SPIDR: variants seen among roughly 807,000 people sequenced by gnomAD.
SPIDR encodes scaffold protein involved in DNA repair.
SPIDR carries 93 observed loss-of-function variants against 104.6 expected under a neutral mutation model. That is an observed-to-expected ratio of 0.89 (90% CI 0.75 to 1.06). SPIDR has a LOEUF of 1.06. Ranked by LOEUF, SPIDR falls within the 50% of genes least tolerant of loss-of-function variation. SPIDR has a pLI of 0.00. For synonymous variants in SPIDR, 431 were observed against 416.9 expected (o/e 1.03, Z -0.41); for missense variants, 1,154 against 1,111.2 (o/e 1.04, Z -0.55).
chr8:47,341,444 TTTTG>T (rs1461114375), intron 5 of SPIDR, among the ~76,000 whole-genome samples: 137 of 151,972 alleles, frequency 9.0e-4, no homozygotes, highest in African/African-American at 3.2e-3. Context: ...CATGCATGGT[TTTTG>T]TTTGTTTAAA....
At chr8:47,469,214 G>A (rs782363501) in intron 8 of SPIDR, among the ~76,000 whole-genome samples, 2 of 152,140 alleles carry the variant, frequency 1.3e-5, no homozygotes, top group Non-Finnish European at 2.9e-5. Flanking sequence ...CAAGGTTGTG[G>A]AGAAAAAGGA....
At chr8:47,561,720 G>T (rs1183044398) in intron 8 of SPIDR, among the ~76,000 whole-genome samples, 1 of 152,048 alleles carries the variant, frequency 6.6e-6, no homozygotes, top group African/African-American at 2.4e-5. Context: ...TCTTCCCTGG[G>T]TCCCTTGTAC....
intron 8 of SPIDR, among the ~76,000 whole-genome samples, chr8:47,455,151 G>A (rs782354882): frequency 4.6e-5 from 7 of 152,002 alleles, no homozygotes; most frequent in Non-Finnish European, 1.0e-4. Flanking sequence ...AATTTTATGG[G>A]CAAGTGCATT....
intron 7 of SPIDR, among the ~76,000 whole-genome samples, chr8:47,435,281 C>T (rs782132952): frequency 3.3e-5 from 5 of 151,818 alleles, no homozygotes; most frequent in African/African-American, 1.2e-4. Context: ...CCCAAAGTGC[C>T]GGGGTTACAG....
At chr8:47,383,516 A>T (rs561435372) in intron 5 of SPIDR, among the ~76,000 whole-genome samples, 1 of 152,328 alleles carries the variant, frequency 6.6e-6, no homozygotes, top group East Asian at 1.9e-4. Flanking sequence ...TCATCAGTGG[A>T]GTTGGAGGTG....
At chr8:47,539,368 C>T (rs1214351874) in intron 8 of SPIDR, among the ~76,000 whole-genome samples, 1 of 152,086 alleles carries the variant, frequency 6.6e-6, no homozygotes, top group Non-Finnish European at 1.5e-5. Context: ...GTATGCAGTG[C>T]CCAGAGCGAG....
rs146215014 is a variant in SPIDR at position 47,495,414 on chromosome 8, A to G, written c.1097+54872A>G. Among the ~76,000 whole-genome samples, 437 of 152,136 alleles carry G rather than the reference A, an allele frequency of 2.9e-3. 1 individual carries two copies. The highest frequency in any genetic ancestry group is 9.9e-3 in the African/African-American group (409 of 41,512). ...AAAAAAAAAAAAAGATATAATTAAC[A>G]TAGTATACAATTCTTCATTTTAAAA... On this transcript the variant is annotated intron_variant, in intron 8 of 19. Coordinates refer to ENST00000297423, the MANE Select transcript of SPIDR (RefSeq NM_001080394.4).
chr8:47,340,258 C>T (rs1224111942), intron 5 of SPIDR, among the ~76,000 whole-genome samples: 11 of 152,072 alleles, frequency 7.2e-5, no homozygotes, highest in African/African-American at 2.7e-4. Context: ...GGAGATATAA[C>T]CGTGGGACTC....
At chr8:47,610,705 C>T (rs2154430752) in intron 10 of SPIDR, among the ~76,000 whole-genome samples, 2 of 152,308 alleles carry the variant, frequency 1.3e-5, no homozygotes, top group South Asian at 4.1e-4. Context: ...TCCTGTAGAG[C>T]AATTCTTGGG....
intron 5 of SPIDR, among the ~76,000 whole-genome samples, chr8:47,349,242 A>G (rs1244651542): frequency 2.0e-5 from 3 of 152,086 alleles, no homozygotes; most frequent in African/African-American, 4.8e-5. Flanking sequence ...TTGGAGGTCC[A>G]CTCCAGACCC....
intron 10 of SPIDR, among the ~76,000 whole-genome samples, chr8:47,609,982 A>G (rs1327491417): frequency 6.6e-6 from 1 of 152,224 alleles, no homozygotes; most frequent in Non-Finnish European, 1.5e-5. Context: ...GAAAACAGCA[A>G]GAGTAATTTT....
chr8:47,726,606 G>A lies in SPIDR; in HGVS notation c.2342-594G>A, dbSNP rs571447844. ...AGTTGGCTGAGGCCCCGTGTGGCCC[G>A]CCCTGGCTGTCTTGTGGACCCCCCT... On this transcript the variant is annotated intron_variant, in intron 16 of 19. Transcript: ENST00000297423. Among the ~76,000 whole-genome samples, 110 of 152,298 alleles carry A rather than the reference G, an allele frequency of 7.2e-4. 1 individual carries two copies. Among genetic ancestry groups the A allele is most frequent in the African/African-American group, 1.4e-3 (58 of 41,562 alleles).
At chr8:47,276,061 A>G (rs1374716863) in intron 1 of SPIDR, among the ~76,000 whole-genome samples, 2 of 152,104 alleles carry the variant, frequency 1.3e-5, no homozygotes, top group African/African-American at 4.8e-5. Context: ...GAGTTTTGCC[A>G]TGTTCCCCAG....
At chr8:47,285,664 T>C (rs1461960312) in intron 3 of SPIDR, among the ~76,000 whole-genome samples, 1 of 152,252 alleles carries the variant, frequency 6.6e-6, no homozygotes, top group Non-Finnish European at 1.5e-5. Flanking sequence ...TGTGCATGTC[T>C]GTCTTTGTGT....
chr8:47,573,612 G>A lies in SPIDR; in HGVS notation c.1098-22199G>A, dbSNP rs191072910. On this transcript the variant is annotated intron_variant, in intron 8 of 19. Transcript: ENST00000297423. ...GTAAGTTGGAGGAGAAGCAAAGTCT[G>A]GGAGGCTTCATTCCTGCCCCGGATG... 2.3e-3 allele frequency among the ~76,000 whole-genome samples: 356 copies of A among 152,310 alleles called. 1 individual carries two copies. Among genetic ancestry groups the A allele is most frequent in the African/African-American group, 8.3e-3 (346 of 41,570 alleles).
At position 47,644,576 on chromosome 8, in the gene SPIDR, C is replaced by T. The variant is rs546708512; in HGVS notation, c.1545-29225C>T. On this transcript the variant is annotated intron_variant, in intron 10 of 19. Transcript: ENST00000297423. ...TTCAATTGGTTTGTAGCCAGGTAACCTTGGACAAATTACCTTATACTTTAC... is the reference window on the plus strand; with the variant it reads ...TTCAATTGGTTTGTAGCCAGGTAACTTTGGACAAATTACCTTATACTTTAC... Among the ~76,000 whole-genome samples, 4 of 152,240 alleles carry T rather than the reference C, an allele frequency of 2.6e-5. No homozygotes were observed. In the South Asian group the frequency reaches 8.3e-4, roughly 32 times the overall value.
chr8:47,600,322 T>A (rs2062109326), intron 10 of SPIDR, among the ~76,000 whole-genome samples: 1 of 152,052 alleles, frequency 6.6e-6, no homozygotes, highest in South Asian at 2.1e-4. Flanking sequence ...GAGACCAGCC[T>A]GGGCAAAGCA....
chr8:47,427,676 C>T (rs1187765154), intron 7 of SPIDR, among the ~76,000 whole-genome samples: 2 of 152,096 alleles, frequency 1.3e-5, no homozygotes, highest in Admixed American at 6.5e-5. Flanking sequence ...GAGGCTGGGG[C>T]GTCCCTGACC....
At chr8:47,296,759 A>G (rs2040915971) in intron 5 of SPIDR, among the ~76,000 whole-genome samples, 1 of 151,982 alleles carries the variant, frequency 6.6e-6, no homozygotes, top group African/African-American at 2.4e-5. Context: ...GAGTTTTAGG[A>G]TTGTTTTATT....
Sources: allele counts gnomAD v4.1 joint callset (sites outside exome capture counted in the v4.1 genomes callset), GRCh38; gene constraint gnomAD v4.1.1; transcripts MANE v1.5; gene names NCBI Gene and HGNC (gene_info 2026-07-23, HGNC 2026-07-21).